Variants in TOX4 observed in about 807,000 individuals in gnomAD.
The protein encoded by TOX4 is epidermal Langerhans cell protein LCP1.
A neutral mutation model predicts 61.0 loss-of-function variants in TOX4; 12 were observed. The ratio of observed to expected loss-of-function variants is 0.20; its 90% CI spans 0.13 to 0.32. The LOEUF (loss-of-function observed/expected upper bound fraction) is 0.32. Ranked by LOEUF, TOX4 falls within the 10% of genes least tolerant of loss-of-function variation. The pLI, the probability that TOX4 is intolerant of heterozygous loss-of-function variation, is 1.00. For synonymous variants in TOX4, 268 were observed against 274.8 expected, an observed-to-expected ratio of 0.98 and a Z score of 0.24; for missense variants, 499 against 753.3, an observed-to-expected ratio of 0.66 and a Z score of 3.95.
At position 21,483,621 on chromosome 14, in the gene TOX4, G is replaced by T. The variant is rs548317368; in HGVS notation, c.76-3830G>T. On this transcript the variant is annotated intron_variant, in intron 2 of 8. Coordinates refer to ENST00000448790, the MANE Select transcript of TOX4 (RefSeq NM_014828.4). ...GAGCCCAAGAGTTCAAGGCTGCAGT[G>T]AGTGGTGATGGAGCCATGCACTCAG... is the stretch of plus-strand genomic sequence containing the variant. Among the ~76,000 whole-genome samples the T allele has an allele frequency of 2.0e-3, 308 of 151,978 alleles. 3 individuals are homozygous for T. The highest frequency in any genetic ancestry group is 6.5e-3 in the African/African-American group (270 of 41,452).
Position 21,498,480 on chromosome 14 carries a change from C to A in TOX4, c.*1874C>A. On this transcript the variant is annotated 3_prime_UTR_variant, in exon 9 of 9. Coordinates refer to ENST00000448790, the MANE Select transcript of TOX4 (RefSeq NM_014828.4). ...CTGCCTATCATCATATCAAATATGC[C>A]AATTCTAAAAAGAGCTTAACATTAG... The A allele has an allele frequency of 1.0e-6, 1 of 988,056 alleles. No individual in the cohort carries two copies. The highest frequency in any genetic ancestry group is 1.5e-6 in the Non-Finnish European group (1 of 655,110). 61.2% of individuals were successfully genotyped at this position (988,056 alleles called of 1,614,324 possible). A position where few individuals can be genotyped will look rare whatever the true frequency, so the allele number is the denominator to read the frequency against.
intron 3 of TOX4, chr14:21,487,999 AGCTG>A (rs1336888378): frequency 4.7e-6 from 1 of 214,228 alleles, no homozygotes; most frequent in Non-Finnish European, 9.1e-6. Context: ...TGAATGTGAT[AGCTG>A]GCACACGGAG....
Position 21,498,866 on chromosome 14 carries a change from G to A in TOX4, c.*2260G>A. On this transcript the variant is annotated 3_prime_UTR_variant, in exon 9 of 9. Transcript: ENST00000448790. ...GTTGAGTTTCTAATGAATATTTGTA[G>A]AATCTCATAAAACAGTTTAAATACA... The A allele has an allele frequency of 1.7e-6, 1 of 602,502 alleles. No individual in the cohort carries two copies. Among genetic ancestry groups the A allele is most frequent in the Non-Finnish European group, 2.9e-6 (1 of 339,644 alleles). 37.3% of individuals were successfully genotyped at this position (602,502 alleles called of 1,614,324 possible).
intron 2 of TOX4, among the ~76,000 whole-genome samples, chr14:21,483,320 AACT>A (rs2139619831): frequency 6.6e-6 from 1 of 152,024 alleles, no homozygotes; most frequent in East Asian, 1.9e-4. Context: ...AAATTTTGGA[AACT>A]ACTATTTTAC....
chr14:21,482,735 G>T (rs547693916), intron 2 of TOX4: 5 of 258,942 alleles, frequency 1.9e-5, no homozygotes, highest in African/African-American at 1.2e-4. Flanking sequence ...TATGTAATCC[G>T]CTAAAATAAA....
At chr14:21,482,626 T>C in intron 2 of TOX4, 1 of 460,600 alleles carries the variant, frequency 2.2e-6, no homozygotes, top group South Asian at 1.6e-5. Flanking sequence ...CTGCATATCA[T>C]GTTCCTGTTT....
At position 21,495,333 on chromosome 14, in the gene TOX4, T is replaced by C; in HGVS notation, c.1746T>C (p.Ile582=). 6.2e-7 allele frequency: 1 copy of C among 1,614,110 alleles called. No homozygotes were observed. Among genetic ancestry groups the C allele is most frequent in the Non-Finnish European group, 8.5e-7 (1 of 1,180,010 alleles). Residue 582 remains isoleucine (I), a synonymous_variant, in exon 8 of 9, where the codon ATT becomes ATC. Coordinates refer to ENST00000448790, the MANE Select transcript of TOX4 (RefSeq NM_014828.4). The part of the protein sequence containing the change: ...CVRSGCENPP[I]VSKDWDNEYC... Reference sequence around the variant, plus strand: ...GGTCTGGTTGTGAGAACCCTCCCATTGTGAGTAAGGACTGGGACAATGAAT... The same window carrying C: ...GGTCTGGTTGTGAGAACCCTCCCATCGTGAGTAAGGACTGGGACAATGAAT...
At position 21,488,786 on chromosome 14, in the gene TOX4, G is replaced by C. The variant is rs140532352; in HGVS notation, c.515G>C (p.Arg172Pro). ...ILPPAQSPED[R>P]LSTTPSPTSS... ...CCACCTGCCCAGTCACCTGAAGATC[G>C]TCTTTCAACCACCCCTTCACCTACT... The change falls in exon 4 of 9, where the codon CGT becomes CCT. Residue 172 changes from arginine (R) to proline (P), a missense_variant. By Grantham distance (103) the Arg-to-Pro change is moderately radical. Around this residue, in one of 7 missense-constraint regions of TOX4, gnomAD observed 61 missense variants for 76.1 expected, o/e 0.80. Coordinates refer to ENST00000448790, the MANE Select transcript of TOX4 (RefSeq NM_014828.4). The C allele has an allele frequency of 7.6e-5, 123 of 1,614,076 alleles. No homozygotes were observed. The highest frequency in any genetic ancestry group is 1.0e-4 in the Non-Finnish European group (119 of 1,180,040).
intron 2 of TOX4, among the ~76,000 whole-genome samples, chr14:21,480,999 A>G (rs980461411): frequency 2.7e-4 from 41 of 152,132 alleles, no homozygotes; most frequent in African/African-American, 9.4e-4. Flanking sequence ...CAGAGGCAGG[A>G]GAATCGCTTG....
rs1489943206 is a variant in TOX4 at position 21,492,893 on chromosome 14, C to T, written c.1277C>T (p.Ala426Val). The T allele has an allele frequency of 6.2e-7, 1 of 1,605,764 alleles. No homozygotes were observed. Among genetic ancestry groups the T allele is most frequent in the South Asian group, 1.1e-5 (1 of 90,192 alleles). ...ATTGTCACTCGGTCAGTGTTGCAGG[C>T]AGCAGCAGCTGCTGCTGCTGCTGCT... ...AQIVTRSVLQ[A>V]AAAAAAAASM... Residue 426 changes from alanine (A) to valine (V), a missense_variant, in exon 7 of 9, where the codon GCA becomes GTA. Ala to Val is a moderately conservative substitution (Grantham distance 64). Coordinates refer to ENST00000448790, the MANE Select transcript of TOX4 (RefSeq NM_014828.4).
At position 21,498,363 on chromosome 14, in the gene TOX4, G is replaced by A; in HGVS notation, c.*1757G>A. ...GGATCCCATCCAGTTGGTTTCCAAG[G>A]GTGATCCTGAAACAGTGTAAAAGGA... On this transcript the variant is annotated 3_prime_UTR_variant, in exon 9 of 9. Transcript: ENST00000448790. 2 of 1,614,098 alleles carry A rather than the reference G, an allele frequency of 1.2e-6. No homozygotes were observed. Among genetic ancestry groups the A allele is most frequent in the East Asian group, 2.2e-5 (1 of 44,868 alleles).
At chr14:21,494,049 T>C (rs1169733248) in intron 7 of TOX4, among the ~76,000 whole-genome samples, 1 of 151,928 alleles carries the variant, frequency 6.6e-6, no homozygotes, top group African/African-American at 2.4e-5. Context: ...GTGTGCCCCA[T>C]AGTGTTTTTA....
At chr14:21,483,022 C>T (rs1157386285) in intron 2 of TOX4, among the ~76,000 whole-genome samples, 1 of 152,110 alleles carries the variant, frequency 6.6e-6, no homozygotes, top group African/African-American at 2.4e-5. Flanking sequence ...AATGCCTTGT[C>T]GATCCTACAT....
rs1470429443 is a variant in TOX4, at chr14:21,498,241, T to A, written c.*1635T>A. 7.1e-7 allele frequency: 1 copy of A among 1,413,156 alleles called. No homozygotes were observed. The highest frequency in any genetic ancestry group is 1.7e-5 in the Admixed American group (1 of 59,722). The allele number at this position is 1,413,156 out of a possible 1,614,324, so 87.5% of individuals were successfully genotyped here. On this transcript the variant is annotated 3_prime_UTR_variant, in exon 9 of 9. Transcript: ENST00000448790. ...AGAGCCATGGCTATGGATTCTTAGCTCTGTAAGGAAGTGCTTCTATAAATT... is the reference window on the plus strand; with the variant it reads ...AGAGCCATGGCTATGGATTCTTAGCACTGTAAGGAAGTGCTTCTATAAATT...
Position 21,498,110 on chromosome 14 carries a change from A to C in TOX4, c.*1504A>C, listed in dbSNP as rs1023102630. The C allele has an allele frequency of 1.6e-6, 1 of 615,168 alleles. No homozygotes were observed. Among genetic ancestry groups the C allele is most frequent in the African/African-American group, 1.8e-5 (1 of 54,308 alleles). 38.1% of individuals were successfully genotyped at this position (615,168 alleles called of 1,614,324 possible). A position where few individuals can be genotyped will look rare whatever the true frequency, so the allele number is the denominator to read the frequency against. ...AGTTGCACAAGATTATACACTGTTA[A>C]GTAGCAGAGCCAGAATGGACTTCAG... On this transcript the variant is annotated 3_prime_UTR_variant, in exon 9 of 9. Coordinates refer to ENST00000448790, the MANE Select transcript of TOX4 (RefSeq NM_014828.4).
intron 8 of TOX4, 185 bp from the exon 9 acceptor site, chr14:21,496,361 A>T (rs1362088584): frequency 3.9e-6 from 2 of 512,686 alleles, no homozygotes; most frequent in East Asian, 7.1e-5. Context: ...CCCTGTCCCC[A>T]CTAAAAATAC....
intron 5 of TOX4, 118 bp from the exon 6 acceptor site, chr14:21,492,178 G>A: frequency 2.2e-6 from 2 of 929,888 alleles, no homozygotes; most frequent in East Asian, 5.2e-5. Flanking sequence ...CACTGATAGA[G>A]GTTGTCAGTG....
intron 2 of TOX4, among the ~76,000 whole-genome samples, chr14:21,479,428 A>G (rs1441849610): frequency 6.6e-6 from 1 of 151,962 alleles, no homozygotes; most frequent in Non-Finnish European, 1.5e-5. Context: ...AGGAGGGCGG[A>G]TCACGAGGTC....
At chr14:21,478,012 C>CT (rs1247383025) in intron 2 of TOX4, among the ~76,000 whole-genome samples, 7 of 152,206 alleles carry the variant, frequency 4.6e-5, no homozygotes, top group Non-Finnish European at 5.9e-5. Context: ...TCTCGGCTCA[C>CT]TGCAACCTCT....
Sources: gnomAD v4.1 joint callset for allele counts (sites outside exome capture counted in the v4.1 genomes callset) on GRCh38, gnomAD v4.1.1 for gene constraint, gnomAD v4.1.1 regional missense constraint, MANE v1.5 for transcripts, NCBI Gene and HGNC (gene_info 2026-07-23, HGNC 2026-07-21) for gene names.